The following TARS2 variants were observed in gnomAD, a reference collection of about 807,000 sequenced individuals.
TARS2 encodes threonyl-tRNA synthetase 2, mitochondrial.
TARS2 carries 61 observed loss-of-function variants against 94.4 expected under a neutral mutation model. The observed-to-expected ratio is 0.65, with a 90% CI of 0.53 to 0.80. The LOEUF is 0.80. Among genes scored for constraint, TARS2 ranks in the 30% least tolerant of loss-of-function variants. TARS2 has a pLI of 0.00. For missense variants in TARS2, 704 were observed against 902.5 expected (o/e 0.78, Z 2.82); for synonymous variants, 359 against 353.4 (o/e 1.02, Z -0.18).
rs748347195 is a variant in TARS2 at position 150,487,489 on chromosome 1, A to G, written c.39A>G (p.Gln13=). 9.9e-6 allele frequency: 16 copies of G among 1,614,110 alleles called. No individual in the cohort carries two copies. Among genetic ancestry groups the G allele is most frequent in the South Asian group, 6.6e-5 (6 of 91,094 alleles). ...LYQRWRCLRL[Q]GLQACRLHTA... ...AGAGGTGGCGGTGTCTCCGGCTCCAAGGTTTACAGGCTTGCAGGCTACACA... is the reference window on the plus strand; with the variant it reads ...AGAGGTGGCGGTGTCTCCGGCTCCAGGGTTTACAGGCTTGCAGGCTACACA... Residue 13 remains glutamine, a synonymous_variant, in exon 1 of 18, where the codon CAA becomes CAG. Coordinates refer to ENST00000369064, the MANE Select transcript of TARS2 (RefSeq NM_025150.5).
rs1286007693 is a variant in TARS2 at position 150,504,986 on chromosome 1, G to A, written c.1893+8G>A. ...GAGGAATACGCCAAAGAGGTAAGGAGTTGAGGTAAGGGAGGGGGCAGAAGC... is the reference window on the plus strand; with the variant it reads ...GAGGAATACGCCAAAGAGGTAAGGAATTGAGGTAAGGGAGGGGGCAGAAGC... On this transcript the variant is annotated splice_region_variant and intron_variant, in intron 16 of 17. Coordinates refer to ENST00000369064, the MANE Select transcript of TARS2 (RefSeq NM_025150.5). 3 of 1,614,070 alleles carry A rather than the reference G, an allele frequency of 1.9e-6. No individual in the cohort carries two copies. The Admixed American group carries it at 5.0e-5, about 27-fold the overall frequency.
At position 150,489,078 on chromosome 1, in the gene TARS2, G is replaced by T; in HGVS notation, c.378G>T (p.Glu126Asp). 1 of 1,614,118 alleles carries T rather than the reference G, an allele frequency of 6.2e-7. No homozygotes were observed. Reference sequence around the variant, plus strand: ...GATTTCTGACATTCGATTCCCCAGAGGGGAAAGCAGTAAGTTTCTTTCTTA... The same window carrying T: ...GATTTCTGACATTCGATTCCCCAGATGGGAAAGCAGTAAGTTTCTTTCTTA... ...DLRFLTFDSP[E>D]GKAVFWHSST... Residue 126 changes from glutamate (E) to aspartate (D), a missense_variant, in exon 3 of 18, where the codon GAG (glutamate) becomes GAT (aspartate). Transcript: ENST00000369064.
At position 150,497,641 on chromosome 1, in the gene TARS2, G is replaced by A. The variant is rs142718507; in HGVS notation, c.1132G>A (p.Val378Met). The A allele has an allele frequency of 7.4e-6, 12 of 1,614,000 alleles. No individual in the cohort carries two copies. The highest frequency in any genetic ancestry group is 1.6e-4 in the Middle Eastern group (1 of 6,084). ...WEHYQEDMFA[V>M]QPPGSDRPPS... is the part of the protein sequence containing the mutation. ...GCATTATCAGGAAGACATGTTTGCCGTGCAGCCCCCAGGCTCTGACAGGCC... is the reference window on the plus strand; with the variant it reads ...GCATTATCAGGAAGACATGTTTGCCATGCAGCCCCCAGGCTCTGACAGGCC... Residue 378 changes from valine to methionine, a missense_variant, in exon 10 of 18, where the codon GTG (valine) becomes ATG (methionine). Coordinates refer to ENST00000369064, the MANE Select transcript of TARS2 (RefSeq NM_025150.5).
At chr1:150,494,370 C>CAAA (rs377287320) in intron 7 of TARS2, among the ~76,000 whole-genome samples, 1 of 92,024 alleles carries the variant, frequency 1.1e-5, no homozygotes. Flanking sequence ...GACAACATCT[C>CAAA]AAAAAAAAAA....
intron 13 of TARS2, among the ~76,000 whole-genome samples, chr1:150,502,879 A>G (rs766576345): frequency 2.6e-5 from 4 of 152,234 alleles, no homozygotes; most frequent in Non-Finnish European, 5.9e-5. Context: ...GATTTATTTC[A>G]GCAATAACAG....
intron 7 of TARS2, among the ~76,000 whole-genome samples, chr1:150,494,353 G>T (rs1033109890): frequency 7.1e-6 from 1 of 140,756 alleles, no homozygotes; most frequent in Non-Finnish European, 1.5e-5. Flanking sequence ...CCTGGGCCAC[G>T]GAGCGAGACA....
chr1:150,490,652 C>G lies in TARS2; in HGVS notation c.439C>G (p.Leu147Val). ...CCTGGGGGCAGCAGCTGAACAATTCCTAGGTGCTGTTCTCTGCAGAGGTCC... is the reference window on the plus strand; with the variant it reads ...CCTGGGGGCAGCAGCTGAACAATTCGTAGGTGCTGTTCTCTGCAGAGGTCC... Reference protein sequence around the residue: ...HVLGAAAEQFLGAVLCRGPST... With the variant: ...HVLGAAAEQFVGAVLCRGPST... Residue 147 changes from leucine (L) to valine (V), a missense_variant, in exon 4 of 18, where the codon CTA becomes GTA. Physicochemically the swap from Leu to Val is conservative, Grantham distance 32. This residue lies in a region of TARS2 where 208 missense variants were observed against 228.5 expected (regional missense o/e 0.91). Transcript: ENST00000369064. 6.2e-7 allele frequency: 1 copy of G among 1,613,968 alleles called. No individual in the cohort carries two copies. The highest frequency in any genetic ancestry group is 8.5e-7 in the Non-Finnish European group (1 of 1,179,976).
chr1:150,506,820 C>A (rs1196173452), intron 17 of TARS2, 96 bp from the exon 18 acceptor site: 1 of 1,534,446 alleles, frequency 6.5e-7, no homozygotes, highest in Non-Finnish European at 8.9e-7. Flanking sequence ...CCCACCCTTC[C>A]TAAAGATTTA....
intron 13 of TARS2, among the ~76,000 whole-genome samples, chr1:150,502,324 C>T (rs1028416707): frequency 6.6e-6 from 1 of 151,458 alleles, no homozygotes; most frequent in African/African-American, 2.4e-5. Flanking sequence ...CAGGTTCAAG[C>T]GATTCTCTTG....
Position 150,499,188 on chromosome 1 carries a change from A to G in TARS2, c.1540-28A>G, listed in dbSNP as rs1462619883. On this transcript the variant is annotated intron_variant, in intron 12 of 17. Transcript: ENST00000369064. ...TTGCTTTTGAAGTCTAAGATGATGT[A>G]TTCCACTCTTGTCTCATTCCTTCAA... 4 of 1,613,754 alleles carry G rather than the reference A, an allele frequency of 2.5e-6. No homozygotes were observed. The Middle Eastern group carries it at 6.6e-4, about 266-fold the overall frequency.
chr1:150,490,530 G>A, intron 3 of TARS2, 71 bp from the exon 4 acceptor site: 1 of 1,529,628 alleles, frequency 6.5e-7, no homozygotes, highest in Admixed American at 2.2e-5. Flanking sequence ...GCTTTTGTGA[G>A]GAAGAGCTCA....
Position 150,497,606 on chromosome 1 carries a change from G to A in TARS2, c.1097G>A (p.Gly366Glu). 6.2e-7 allele frequency: 1 copy of A among 1,614,122 alleles called. No individual in the cohort carries two copies. The highest frequency in any genetic ancestry group is 8.5e-7 in the Non-Finnish European group (1 of 1,180,028). Residue 366 changes from glycine (G) to glutamate (E), a missense_variant, in exon 10 of 18, where the codon GGG becomes GAG. Gly to Glu is a moderately conservative substitution (Grantham distance 98, BLOSUM62 -2). Coordinates refer to ENST00000369064, the MANE Select transcript of TARS2 (RefSeq NM_025150.5). ...LFSTKLWEQS[G>E]HWEHYQEDMF... ...TCTACGAAGCTCTGGGAACAGTCAG[G>A]GCACTGGGAGCATTATCAGGAAGAC...
Position 150,490,616 on chromosome 1 carries a change from A to G in TARS2, c.403A>G (p.Ser135Gly), listed in dbSNP as rs913776797. The change falls in exon 4 of 18, where the codon AGC becomes GGC. Residue 135 changes from serine to glycine, a missense_variant. By Grantham distance (56) the Ser-to-Gly change is moderately conservative. Coordinates refer to ENST00000369064, the MANE Select transcript of TARS2 (RefSeq NM_025150.5). ...PEGKAVFWHS[S>G]THVLGAAAEQ... ...GTGAACCCAGGTGTTCTGGCACTCCAGCACCCATGTCCTGGGGGCAGCAGC... is the reference window on the plus strand; with the variant it reads ...GTGAACCCAGGTGTTCTGGCACTCCGGCACCCATGTCCTGGGGGCAGCAGC... 6.2e-7 allele frequency: 1 copy of G among 1,613,764 alleles called. No individual in the cohort carries two copies. Among genetic ancestry groups the G allele is most frequent in the African/African-American group, 1.3e-5 (1 of 74,894 alleles).
chr1:150,498,460 A>G, intron 10 of TARS2, 42 bp from the exon 11 acceptor site: 5 of 1,518,070 alleles, frequency 3.3e-6, no homozygotes, highest in Non-Finnish European at 4.4e-6. Flanking sequence ...TTCGGGGGCT[A>G]GTCCTCCCTA....
In TARS2 at chr1:150,498,989, A is replaced by G; in HGVS notation, c.1494A>G (p.Pro498=). Reference sequence around the variant, plus strand: ...TCCGCCTGGCACTGTCCACCCGGCCATCTGGCTTCCTGGGGGACCCTTGCC... The same window carrying G: ...TCCGCCTGGCACTGTCCACCCGGCCGTCTGGCTTCCTGGGGGACCCTTGCC... The part of the protein sequence containing the change: ...FSFRLALSTR[P]SGFLGDPCLW... Residue 498 remains proline (P), a synonymous_variant, in exon 12 of 18, where the codon CCA becomes CCG. Coordinates refer to ENST00000369064, the MANE Select transcript of TARS2 (RefSeq NM_025150.5). 1 of 1,614,180 alleles carries G rather than the reference A, an allele frequency of 6.2e-7. No individual in the cohort carries two copies. The highest frequency in any genetic ancestry group is 8.5e-7 in the Non-Finnish European group (1 of 1,180,034).
Position 150,488,952 on chromosome 1 carries a change from C to T in TARS2, c.264-12C>T, listed in dbSNP as rs1262634690. ...CTGTCTTTTTCTTCATCCCCACCTT[C>T]CACTGCTGAAGTTCAACACTGGCAG... On this transcript the variant is annotated splice_polypyrimidine_tract_variant and intron_variant, in intron 2 of 17. Transcript: ENST00000369064. 1 of 1,610,062 alleles carries T rather than the reference C, an allele frequency of 6.2e-7. No individual in the cohort carries two copies. The highest frequency in any genetic ancestry group is 1.1e-5 in the South Asian group (1 of 90,396).
Position 150,497,721 on chromosome 1 carries a change from C to T in TARS2, c.1212C>T (p.Leu404=). The change falls in exon 10 of 18, where the codon CTC becomes CTT. Residue 404 remains leucine (L), a synonymous_variant. Coordinates refer to ENST00000369064, the MANE Select transcript of TARS2 (RefSeq NM_025150.5). The stretch of plus-strand genomic sequence containing the variant: ...GGCATATCACAGATACACTCGCCCT[C>T]AAGCCTATGAACTGCCCTGCACACT... ...STRHITDTLA[L]KPMNCPAHCL... is the part of the protein sequence containing the mutation. 1 of 1,614,008 alleles carries T rather than the reference C, an allele frequency of 6.2e-7. No homozygotes were observed. Among genetic ancestry groups the T allele is most frequent in the Non-Finnish European group, 8.5e-7 (1 of 1,179,996 alleles).
Position 150,507,536 on chromosome 1 carries a change from C to G in TARS2, c.*472C>G, listed in dbSNP as rs1215086034. 9 of 155,574 alleles carry G rather than the reference C, an allele frequency of 5.8e-5. No homozygotes were observed. Among genetic ancestry groups the G allele is most frequent in the African/African-American group, 2.2e-4 (9 of 41,342 alleles). The allele number at this position is 155,574 out of a possible 1,614,324, so 9.6% of individuals were successfully genotyped here. A position where few individuals can be genotyped will look rare whatever the true frequency, so the allele number is the denominator to read the frequency against. Reference sequence around the variant, plus strand: ...GTGAGCTGAGATTGCGCCACTGCACCCCCCTAGGCGACAGAGCGAGACTCT... The same window carrying G: ...GTGAGCTGAGATTGCGCCACTGCACGCCCCTAGGCGACAGAGCGAGACTCT... On this transcript the variant is annotated 3_prime_UTR_variant, in exon 18 of 18. Coordinates refer to ENST00000369064, the MANE Select transcript of TARS2 (RefSeq NM_025150.5).
At chr1:150,502,109 C>G (rs1669951321) in intron 13 of TARS2, among the ~76,000 whole-genome samples, 1 of 151,390 alleles carries the variant, frequency 6.6e-6, no homozygotes, top group Non-Finnish European at 1.5e-5. Context: ...GATGGGATTT[C>G]ACCATGTTGG....
Sources: allele counts gnomAD v4.1 joint callset (sites outside exome capture counted in the v4.1 genomes callset), GRCh38; gene constraint gnomAD v4.1.1; regional missense constraint gnomAD v4.1.1; transcripts MANE v1.5; gene names NCBI Gene and HGNC (gene_info 2026-07-23, HGNC 2026-07-21).